EXOC4: variants seen among roughly 807,000 people sequenced by gnomAD.
EXOC4 encodes exocyst complex component 4.
Under a neutral mutation model 107.2 loss-of-function variants are expected in EXOC4, and 71 were observed. That is an observed-to-expected ratio of 0.66 (90% CI 0.55 to 0.81). EXOC4 has a LOEUF of 0.81. Ranked by LOEUF, EXOC4 falls within the 30% of genes least tolerant of loss-of-function variation. The pLI, the probability that EXOC4 is intolerant of heterozygous loss-of-function variation, is 0.00. For synonymous variants in EXOC4, 456 were observed against 441.2 expected, an observed-to-expected ratio of 1.03 and a Z score of -0.42; for missense variants, 1,108 against 1,189.6, an observed-to-expected ratio of 0.93 and a Z score of 1.01.
At chr7:133,458,268 G>A (rs1334679438) in intron 7 of EXOC4, among the ~76,000 whole-genome samples, 1 of 152,190 alleles carries the variant, frequency 6.6e-6, no homozygotes, top group Non-Finnish European at 1.5e-5. Context: ...TCTGGGGGTT[G>A]GGATTGTCAT....
chr7:134,099,368 T>G, the EXOC4 span, among the ~76,000 whole-genome samples: 1 of 151,840 alleles, frequency 6.6e-6, no homozygotes. Context: ...CTCTCTTCTC[T>G]CCTGAAGACC....
intron 10 of EXOC4, among the ~76,000 whole-genome samples, chr7:133,800,193 A>G (rs912033579): frequency 6.6e-6 from 1 of 152,202 alleles, no homozygotes; most frequent in African/African-American, 2.4e-5. Flanking sequence ...TGACTAAAAA[A>G]TTCTGAAAAC....
At chr7:133,432,759 T>G (rs991704891) in intron 7 of EXOC4, among the ~76,000 whole-genome samples, 1 of 152,242 alleles carries the variant, frequency 6.6e-6, no homozygotes, top group African/African-American at 2.4e-5. Context: ...ATTATCCAAG[T>G]TGGAAACCTT....
At chr7:134,079,413 T>TA in the EXOC4 span, among the ~76,000 whole-genome samples, 1 of 151,730 alleles carries the variant, frequency 6.6e-6, no homozygotes, top group African/African-American at 2.4e-5. Flanking sequence ...TATTTTTTTT[T>TA]AAGTCATTTG....
intron 11 of EXOC4, among the ~76,000 whole-genome samples, chr7:133,845,496 G>A (rs376347453): frequency 6.6e-6 from 1 of 150,972 alleles, no homozygotes; most frequent in East Asian, 1.9e-4. Flanking sequence ...GAAGATACTT[G>A]TGAGTTAGGC....
At chr7:133,698,227 C>A (rs2151084333) in intron 10 of EXOC4, among the ~76,000 whole-genome samples, 1 of 152,088 alleles carries the variant, frequency 6.6e-6, no homozygotes, top group Non-Finnish European at 1.5e-5. Flanking sequence ...GTGGGGGAAT[C>A]CTGGTCTATT....
chr7:133,586,531 G>A (rs75921808), intron 9 of EXOC4, among the ~76,000 whole-genome samples: 2 of 152,146 alleles, frequency 1.3e-5, no homozygotes, highest in Non-Finnish European at 2.9e-5. Flanking sequence ...TGGACATTTA[G>A]GTTGATTCCA....
intron 14 of EXOC4, among the ~76,000 whole-genome samples, chr7:133,939,934 T>A (rs1800389934): frequency 6.6e-6 from 1 of 152,208 alleles, no homozygotes; most frequent in South Asian, 2.1e-4. Context: ...CAGAAAGAAC[T>A]AATTTTTTCT....
the EXOC4 span, among the ~76,000 whole-genome samples, chr7:134,090,775 C>G: frequency 6.6e-6 from 1 of 152,022 alleles, no homozygotes; most frequent in Non-Finnish European, 1.5e-5. Flanking sequence ...CATGCCTGAT[C>G]CTGTCACCCA....
Position 133,735,989 on chromosome 7 carries a change from C to G in EXOC4, c.1515-81336C>G, listed in dbSNP as rs139750840. The stretch of plus-strand genomic sequence containing the variant: ...CCTATAGTCTCAGCTACTTGAGAGG[C>G]TGAGGTGGAGGATTGCTGGAGCCAG... On this transcript the variant is annotated intron_variant, in intron 10 of 17. Transcript: ENST00000253861. Among the ~76,000 whole-genome samples the G allele has an allele frequency of 2.3e-3, 347 of 152,056 alleles. 4 individuals carry two copies. Among genetic ancestry groups the G allele is most frequent in the African/African-American group, 7.9e-3 (328 of 41,478 alleles).
chr7:133,714,252 G>A (rs773950717), intron 10 of EXOC4, among the ~76,000 whole-genome samples: 2 of 152,198 alleles, frequency 1.3e-5, no homozygotes, highest in Non-Finnish European at 2.9e-5. Context: ...CACCGTCCTG[G>A]AACCCTCCCC....
At chr7:134,078,054 T>C in the EXOC4 span, among the ~76,000 whole-genome samples, 1 of 152,252 alleles carries the variant, frequency 6.6e-6, no homozygotes, top group Non-Finnish European at 1.5e-5. Context: ...CTGGGACAAG[T>C]CAGCCTAATA....
chr7:133,512,926 C>T (rs1799799852), intron 9 of EXOC4, among the ~76,000 whole-genome samples: 1 of 152,044 alleles, frequency 6.6e-6, no homozygotes, highest in Admixed American at 6.6e-5. Flanking sequence ...GCCAGTGTGG[C>T]AGAACCCCGT....
At chr7:133,563,221 A>G (rs1800842659) in intron 9 of EXOC4, among the ~76,000 whole-genome samples, 2 of 152,322 alleles carry the variant, frequency 1.3e-5, no homozygotes, top group South Asian at 4.1e-4. Context: ...AGTGTTGGAA[A>G]GAAGGAAAGT....
rs186041650 is a variant in EXOC4 at position 133,368,021 on chromosome 7, A to G, written c.1008-6807A>G. On this transcript the variant is annotated intron_variant, in intron 6 of 17. Coordinates refer to ENST00000253861, the MANE Select transcript of EXOC4 (RefSeq NM_021807.4). ...ATCCCAGACTTCTGCTTATATTGCCATCCTGCATTGCTCATTCTTTTACTC... is the reference window on the plus strand; with the variant it reads ...ATCCCAGACTTCTGCTTATATTGCCGTCCTGCATTGCTCATTCTTTTACTC... Among the ~76,000 whole-genome samples, 423 of 152,274 alleles carry G rather than the reference A, an allele frequency of 2.8e-3. 6 individuals carry two copies. The highest frequency in any genetic ancestry group is 1.7e-3 in the Non-Finnish European group (117 of 68,014).
At position 133,305,950 on chromosome 7, in the gene EXOC4, A is replaced by G; in HGVS notation, c.545A>G (p.His182Arg). Residue 182 changes from histidine (H) to arginine (R), a missense_variant, in exon 4 of 18, where the codon CAC (histidine) becomes CGC (arginine). Physicochemically the swap from His to Arg is conservative, Grantham distance 29. Transcript: ENST00000253861. ...EGLSDLRLEL[H>R]SKKMNLHLVL... ...CTGAGTGACCTTCGACTAGAGCTTC[A>G]CAGCAAGAAGATGAACCTTCACTTG... The G allele has an allele frequency of 6.2e-7, 1 of 1,613,872 alleles. No homozygotes were observed. The highest frequency in any genetic ancestry group is 2.2e-5 in the East Asian group (1 of 44,854).
At chr7:133,497,548 A>G (rs1022267425) in intron 9 of EXOC4, among the ~76,000 whole-genome samples, 6 of 151,186 alleles carry the variant, frequency 4.0e-5, no homozygotes, top group African/African-American at 1.5e-4. Context: ...CTTCTGCCTC[A>G]GCCTCCTGAG....
At chr7:133,348,603 C>T (rs1404476034) in intron 5 of EXOC4, among the ~76,000 whole-genome samples, 1 of 152,104 alleles carries the variant, frequency 6.6e-6, no homozygotes, top group Non-Finnish European at 1.5e-5. Context: ...ACTTTTTGGT[C>T]CTACCTGAAG....
At chr7:133,729,453 G>T (rs1236825815) in intron 10 of EXOC4, among the ~76,000 whole-genome samples, 1 of 152,034 alleles carries the variant, frequency 6.6e-6, no homozygotes, top group African/African-American at 2.4e-5. Context: ...CTTTTTGAGG[G>T]CACTGGGGAA....
Sources: gnomAD v4.1 joint callset for allele counts (sites outside exome capture counted in the v4.1 genomes callset) on GRCh38, gnomAD v4.1.1 for gene constraint, MANE v1.5 for transcripts, NCBI Gene and HGNC (gene_info 2026-07-23, HGNC 2026-07-21) for gene names.